The following PNPT1 variants were observed in gnomAD, a reference collection of about 807,000 sequenced individuals.
The protein encoded by PNPT1 is polyribonucleotide nucleotidyltransferase 1, mitochondrial.
A neutral mutation model predicts 119.5 loss-of-function variants in PNPT1; 53 were observed. The ratio of observed to expected loss-of-function variants is 0.44; its 90% CI spans 0.36 to 0.56. The LOEUF (loss-of-function observed/expected upper bound fraction) is 0.56. PNPT1 is among the 20% of genes least tolerant of loss of function. The pLI is 0.00. For synonymous variants in PNPT1, 357 were observed against 322.1 expected, an observed-to-expected ratio of 1.11 and a Z score of -1.16; for missense variants, 948 against 938.5, an observed-to-expected ratio of 1.01 and a Z score of -0.13.
chr2:55,645,225 C>T lies in PNPT1; in HGVS notation c.1822+124G>A, dbSNP rs535927424. 7.2e-4 allele frequency: 405 copies of T among 563,034 alleles called. 4 individuals are homozygous for T. Among genetic ancestry groups the T allele is most frequent in the African/African-American group, 6.3e-3 (324 of 51,622 alleles). The allele number at this position is 563,034 out of a possible 1,614,324, so 34.9% of individuals were successfully genotyped here. On this transcript the variant is annotated intron_variant, in intron 22 of 27. Coordinates refer to ENST00000447944, the MANE Select transcript of PNPT1 (RefSeq NM_033109.5). ...TTTTTTAGTAGAGACAGGGTTTCAC[C>T]GTGTTAGCCAGGATGGTCTCGATCT...
At chr2:55,656,946 T>A (rs1388049421) in intron 15 of PNPT1, among the ~76,000 whole-genome samples, 2 of 152,218 alleles carry the variant, frequency 1.3e-5, no homozygotes. Flanking sequence ...AGCCAGTGGT[T>A]GCAAACTGTT....
rs562021510 is a variant in PNPT1 at position 55,681,132 on chromosome 2, C to T, written c.454-214G>A. Among the ~76,000 whole-genome samples, 30 of 152,322 alleles carry T rather than the reference C, an allele frequency of 2.0e-4. 1 individual carries two copies. The highest frequency in any genetic ancestry group is 5.8e-4 in the African/African-American group (24 of 41,576). ...CTTTAAAAGGGAAAAACAGGCCAGG[C>T]GTGGTGGCTCACGCCTGTAATCTCA... On this transcript the variant is annotated intron_variant, in intron 5 of 27. Coordinates refer to ENST00000447944, the MANE Select transcript of PNPT1 (RefSeq NM_033109.5).
In PNPT1 at chr2:55,635,972, A is replaced by G. The variant is rs201093882; in HGVS notation, c.*265T>C. The G allele has an allele frequency of 1.6e-5, 3 of 186,928 alleles. No homozygotes were observed. The highest frequency in any genetic ancestry group is 3.1e-5 in the Non-Finnish European group (3 of 95,254). The allele number at this position is 186,928 out of a possible 1,614,324, so 11.6% of individuals were successfully genotyped here. A position where few individuals can be genotyped will look rare whatever the true frequency, so the allele number is the denominator to read the frequency against. On this transcript the variant is annotated 3_prime_UTR_variant, in exon 28 of 28. Coordinates refer to ENST00000447944, the MANE Select transcript of PNPT1 (RefSeq NM_033109.5). ...CATATATTTCAGAATTGTAAAAACAAAACTATGTAATTTTTTCTAAGATGT... is the reference window on the plus strand; with the variant it reads ...CATATATTTCAGAATTGTAAAAACAGAACTATGTAATTTTTTCTAAGATGT...
rs774980599 is a variant in PNPT1 at position 55,672,915 on chromosome 2, C to T, written c.844G>A (p.Glu282Lys). The T allele has an allele frequency of 3.1e-6, 5 of 1,603,066 alleles. No homozygotes were observed. The African/African-American group carries it at 5.4e-5, about 17-fold the overall frequency. ...TACTTATGAGTATATTTCACAATCT[C>T]TGGCGAAGGGGTAAATAACTTCTGA... is the stretch of plus-strand genomic sequence containing the variant. Reference protein sequence around the residue: ...TPQKLFTPSPEIVKYTHKLAM... With the variant: ...TPQKLFTPSPKIVKYTHKLAM... The change falls in exon 9 of 28, where the codon GAG (glutamate) becomes AAG (lysine). Residue 282 changes from glutamate to lysine, a missense_variant. Physicochemically the swap from Glu to Lys is moderately conservative, Grantham distance 56. Coordinates refer to ENST00000447944, the MANE Select transcript of PNPT1 (RefSeq NM_033109.5).
At chr2:55,674,376 C>T (rs991319761) in intron 8 of PNPT1, among the ~76,000 whole-genome samples, 1 of 152,110 alleles carries the variant, frequency 6.6e-6, no homozygotes, top group African/African-American at 2.4e-5. Flanking sequence ...GGCAGATCAC[C>T]TGAAGTCAGA....
intron 18 of PNPT1, among the ~76,000 whole-genome samples, chr2:55,650,163 TCTAC>T (rs1696127335): frequency 3.3e-5 from 5 of 152,064 alleles, no homozygotes; most frequent in Non-Finnish European, 7.4e-5. Context: ...TACCTCTACC[TCTAC>T]CTCTACCCAC....
Position 55,660,187 on chromosome 2 carries a change from T to C in PNPT1, c.1254A>G (p.Ile418Met). Residue 418 changes from isoleucine (I) to methionine (M), a missense_variant, in exon 15 of 28, where the codon ATA becomes ATG. Transcript: ENST00000447944. ...AGTGCAGCATGAAATTTTTATCTTT[T>C]ATCCCACTAAAAATAAAAGGCATAA... ...SDQVITAING[I>M]KDKNFMLHYE... is the part of the protein sequence containing the mutation. 1 of 1,590,362 alleles carries C rather than the reference T, an allele frequency of 6.3e-7. No homozygotes were observed. The highest frequency in any genetic ancestry group is 1.4e-5 in the African/African-American group (1 of 74,056).
intron 1 of PNPT1, among the ~76,000 whole-genome samples, chr2:55,693,330 C>G (rs990929086): frequency 6.6e-6 from 1 of 152,132 alleles, no homozygotes; most frequent in East Asian, 1.9e-4. Flanking sequence ...CCTCGTCTCA[C>G]CCACGTCAAC....
At chr2:55,679,586 T>A in intron 8 of PNPT1, 96 bp downstream of exon 8, 1 of 843,928 alleles carries the variant, frequency 1.2e-6, no homozygotes. Flanking sequence ...TTTTTATGGC[T>A]ACCGACAAAA....
Position 55,646,279 on chromosome 2 carries a change from T to G in PNPT1, c.1718A>C (p.Glu573Ala), listed in dbSNP as rs373628268. 5 of 1,613,240 alleles carry G rather than the reference T, an allele frequency of 3.1e-6. No individual in the cohort carries two copies. The Admixed American group carries it at 6.7e-5, about 22-fold the overall frequency. The change falls in exon 21 of 28, where the codon GAG becomes GCG. Residue 573 changes from glutamate to alanine, a missense_variant. Physicochemically the swap from Glu to Ala is moderately radical, Grantham distance 107. Transcript: ENST00000447944. ...CTCACCTGAAGCTTGTTGAATAGCC[T>G]CCATCACAATTTTTATTGGTATTCC... ...LPGIPIKIVM[E>A]AIQQASVAKK...
At chr2:55,678,974 C>T (rs1187697445) in intron 8 of PNPT1, among the ~76,000 whole-genome samples, 4 of 152,194 alleles carry the variant, frequency 2.6e-5, no homozygotes, top group Non-Finnish European at 4.4e-5. Context: ...AAGTCACACA[C>T]ATCAAACATC....
intron 22 of PNPT1, 104 bp downstream of exon 22, chr2:55,645,245 C>G: frequency 5.9e-6 from 4 of 680,416 alleles, no homozygotes; most frequent in Non-Finnish European, 1.0e-5. Context: ...AGGATGGTCT[C>G]GATCTCCTGA....
intron 8 of PNPT1, among the ~76,000 whole-genome samples, chr2:55,677,282 GC>G (rs1410322169): frequency 1.3e-5 from 2 of 152,200 alleles, no homozygotes; most frequent in African/African-American, 4.8e-5. Flanking sequence ...TCTGTGGCAT[GC>G]CACATGTGCA....
At chr2:55,647,780 C>A (rs1385714032) in intron 18 of PNPT1, among the ~76,000 whole-genome samples, 2 of 152,274 alleles carry the variant, frequency 1.3e-5, no homozygotes, top group African/African-American at 4.8e-5. Context: ...GCCTCAGCCT[C>A]CCAAAGCGCT....
In PNPT1 at chr2:55,693,663, C is replaced by T. The variant is rs1308271939; in HGVS notation, c.161G>A (p.Arg54Lys). ...SRAVAVDLGN[R>K]KLEISSGKLA... ...ACAGTGAACGCACGTCACTCCTTAC[C>T]TGTTGCCTAAGTCCACGGCCACAGC... The change falls in exon 1 of 28, where the codon AGG (arginine) becomes AAG (lysine). Residue 54 changes from arginine (R) to lysine (K), a missense_variant and splice_region_variant. By Grantham distance (26) the Arg-to-Lys change is conservative (BLOSUM62 2). Coordinates refer to ENST00000447944, the MANE Select transcript of PNPT1 (RefSeq NM_033109.5). The T allele has an allele frequency of 6.2e-7, 1 of 1,614,220 alleles. No homozygotes were observed. The highest frequency in any genetic ancestry group is 2.2e-5 in the East Asian group (1 of 44,884).
At chr2:55,648,568 T>C (rs1282614953) in intron 18 of PNPT1, among the ~76,000 whole-genome samples, 2 of 152,238 alleles carry the variant, frequency 1.3e-5, no homozygotes, top group Non-Finnish European at 2.9e-5. Flanking sequence ...TTGTTTTTTA[T>C]GACTGAGGTT....
At position 55,672,929 on chromosome 2, in the gene PNPT1, A is replaced by G. The variant is rs1342247075; in HGVS notation, c.830T>C (p.Phe277Ser). The stretch of plus-strand genomic sequence containing the variant: ...TTTCACAATCTCTGGCGAAGGGGTA[A>G]ATAACTTCTGAGGTGTCCTCTTGGT... ...GVTKRTPQKL[F>S]TPSPEIVKYT... is the part of the protein sequence containing the mutation. Residue 277 changes from phenylalanine to serine, a missense_variant, in exon 9 of 28, where the codon TTT becomes TCT. By Grantham distance (155) the Phe-to-Ser change is radical. Coordinates refer to ENST00000447944, the MANE Select transcript of PNPT1 (RefSeq NM_033109.5). The G allele has an allele frequency of 1.9e-6, 3 of 1,609,228 alleles. No individual in the cohort carries two copies. Among genetic ancestry groups the G allele is most frequent in the African/African-American group, 1.3e-5 (1 of 74,726 alleles).
intron 1 of PNPT1, 114 bp downstream of exon 1, chr2:55,693,549 A>C: frequency 6.9e-7 from 1 of 1,440,948 alleles, no homozygotes; most frequent in South Asian, 1.3e-5. Context: ...GTTTAGGGTA[A>C]GGAGAGATTA....
At chr2:55,667,192 T>C (rs1696761737) in intron 12 of PNPT1, 99 bp from the exon 13 acceptor site, 2 of 809,930 alleles carry the variant, frequency 2.5e-6, no homozygotes, top group Non-Finnish European at 2.1e-6. Flanking sequence ...CAGTTGTGTA[T>C]CATAATCCCC....
Sources: allele counts gnomAD v4.1 joint callset (sites outside exome capture counted in the v4.1 genomes callset), GRCh38; gene constraint gnomAD v4.1.1; transcripts MANE v1.5; gene names NCBI Gene and HGNC (gene_info 2026-07-23, HGNC 2026-07-21).